SLC5A4: variants seen among roughly 807,000 people sequenced by gnomAD.
The protein encoded by SLC5A4 is probable glucose sensor protein SLC5A4.
Under a neutral mutation model 70.3 loss-of-function variants are expected in SLC5A4, and 55 were observed. The observed-to-expected ratio is 0.78, with a 90% CI of 0.63 to 0.98. SLC5A4 has a LOEUF of 0.98. Among genes scored for constraint, SLC5A4 ranks in the 50% least tolerant of loss-of-function variants. The probability of loss-of-function intolerance (pLI) is 0.00; values close to 1 mark genes in which losing one functional copy is unlikely to be tolerated. For synonymous variants in SLC5A4, 268 were observed against 305.7 expected, an observed-to-expected ratio of 0.88 and a Z score of 1.29; for missense variants, 735 against 839.2, an observed-to-expected ratio of 0.88 and a Z score of 1.53.
At chr22:32,269,906 C>A in the SLC5A4 span, 1 of 549,470 alleles carries the variant, frequency 1.8e-6, no homozygotes, top group Non-Finnish European at 3.6e-6. This position sits in a 1 kb window ranked among gnomAD's most constrained non-coding sequence, Gnocchi z 4.1. Context: ...GACAAGGCGG[C>A]CACCAGCGTC....
chr22:32,256,507 CA>C (rs1927496314), upstream of SLC5A4, among the ~76,000 whole-genome samples: 1 of 152,088 alleles, frequency 6.6e-6, no homozygotes, highest in Non-Finnish European at 1.5e-5. Flanking sequence ...CAGCCATTAC[CA>C]CTATCCATTT....
chr22:32,353,708 C>T, the SLC5A4 span, among the ~76,000 whole-genome samples: 1 of 151,920 alleles, frequency 6.6e-6, no homozygotes, highest in Non-Finnish European at 1.5e-5. Context: ...GCCCTTGCTT[C>T]GGACACTGCA....
chr22:32,253,134 A>G (rs1445485795), intron 2 of SLC5A4, among the ~76,000 whole-genome samples: 1 of 152,218 alleles, frequency 6.6e-6, no homozygotes, highest in Non-Finnish European at 1.5e-5. Flanking sequence ...CAGCCAGGAC[A>G]GTTGCCCATC....
At position 32,247,071 on chromosome 22, in the gene SLC5A4, C is replaced by T. The variant is rs192903481; in HGVS notation, c.477+340G>A. 1.7e-3 allele frequency among the ~76,000 whole-genome samples: 265 copies of T among 152,274 alleles called. 2 individuals are homozygous for T. The highest frequency in any genetic ancestry group is 6.2e-3 in the South Asian group (30 of 4,824). On this transcript the variant is annotated intron_variant, in intron 5 of 14. Coordinates refer to ENST00000266086, the MANE Select transcript of SLC5A4 (RefSeq NM_014227.3). Reference sequence around the variant, plus strand: ...GTTATCTTGCAATGGAAAAGGCAGGCGACCAAGTCCTTCTCTTTACTACTA... The same window carrying T: ...GTTATCTTGCAATGGAAAAGGCAGGTGACCAAGTCCTTCTCTTTACTACTA...
the SLC5A4 span, among the ~76,000 whole-genome samples, chr22:32,333,106 G>A: frequency 6.6e-6 from 1 of 152,110 alleles, no homozygotes; most frequent in Non-Finnish European, 1.5e-5. Flanking sequence ...GAGGGACGTG[G>A]CCTGCCCGAG....
At chr22:32,316,291 A>C in the SLC5A4 span, among the ~76,000 whole-genome samples, 5 of 152,176 alleles carry the variant, frequency 3.3e-5, no homozygotes, top group Non-Finnish European at 5.9e-5. Flanking sequence ...GAAGCATAAC[A>C]AACAAATGCA....
the SLC5A4 span, among the ~76,000 whole-genome samples, chr22:32,283,237 G>A: frequency 2.0e-5 from 3 of 152,186 alleles, no homozygotes; most frequent in African/African-American, 7.2e-5. Flanking sequence ...ACCTGCCCCA[G>A]GGCCTTTGCA....
chr22:32,231,162 T>C (rs1925741084), intron 9 of SLC5A4, 87 bp from the exon 10 acceptor site: 3 of 801,160 alleles, frequency 3.7e-6, no homozygotes, highest in Admixed American at 2.0e-5. Context: ...TGAAAGATCA[T>C]AAGGAAGGAA....
the SLC5A4 span, among the ~76,000 whole-genome samples, chr22:32,349,491 A>G: frequency 6.6e-6 from 1 of 152,212 alleles, no homozygotes. Flanking sequence ...ACAATTTTCT[A>G]AAGTCAAAGA....
chr22:32,255,137 TAA>T, intron 1 of SLC5A4, 56 bp downstream of exon 1: 1 of 1,304,414 alleles, frequency 7.7e-7, no homozygotes, highest in Non-Finnish European at 1.1e-6. Flanking sequence ...CTTCCCCCCT[TAA>T]GATACCCCCT....
At chr22:32,348,257 C>T in the SLC5A4 span, among the ~76,000 whole-genome samples, 2 of 152,236 alleles carry the variant, frequency 1.3e-5, no homozygotes, top group Non-Finnish European at 2.9e-5. Context: ...GGAACTGAGT[C>T]TCCATTTCTG....
chr22:32,338,028 C>A, the SLC5A4 span, among the ~76,000 whole-genome samples: 4 of 151,746 alleles, frequency 2.6e-5, no homozygotes, highest in Non-Finnish European at 5.9e-5. Context: ...TGTGATGCAG[C>A]CCCATCTCAT....
chr22:32,319,278 G>A, the SLC5A4 span, among the ~76,000 whole-genome samples: 20 of 151,370 alleles, frequency 1.3e-4, no homozygotes, highest in African/African-American at 4.1e-4. Flanking sequence ...TCAGGCCCTC[G>A]ACCACACTGG....
the SLC5A4 span, among the ~76,000 whole-genome samples, chr22:32,309,919 C>G: frequency 6.6e-6 from 1 of 151,732 alleles, no homozygotes; most frequent in East Asian, 1.9e-4. Flanking sequence ...GTGATCTCTG[C>G]TGAGGCCTCT....
In SLC5A4 at chr22:32,223,835, AATG is replaced by A. The variant is rs1925225952; in HGVS notation, c.1665+429_1665+431del. Among the ~76,000 whole-genome samples the A allele has an allele frequency of 2.0e-5, 3 of 152,326 alleles. No individual in the cohort carries two copies. The South Asian group carries it at 6.2e-4, about 32-fold the overall frequency. ...AAATTGTTCTTTATTTCAGTGACTG[AATG>A]ATAATCTCTTAGGGTTCTTCTAGCT... On this transcript the variant is annotated intron_variant, in intron 13 of 14. Coordinates refer to ENST00000266086, the MANE Select transcript of SLC5A4 (RefSeq NM_014227.3).
the SLC5A4 span, among the ~76,000 whole-genome samples, chr22:32,322,341 G>A: frequency 6.6e-6 from 1 of 152,188 alleles, no homozygotes; most frequent in African/African-American, 2.4e-5. Flanking sequence ...TGTAATCCCA[G>A]CACTTTGGGA....
At chr22:32,241,799 GTGTGTA>G (rs1569376535) in intron 5 of SLC5A4, among the ~76,000 whole-genome samples, 213 of 142,820 alleles carry the variant, frequency 1.5e-3, no homozygotes, top group African/African-American at 5.7e-3. Context: ...GTGTGTGTGT[GTGTGTA>G]TATATATCTG....
At chr22:32,265,865 A>C in the SLC5A4 span, among the ~76,000 whole-genome samples, 1 of 152,098 alleles carries the variant, frequency 6.6e-6, no homozygotes, top group African/African-American at 2.4e-5. Context: ...AAAACAAAAC[A>C]AACAGAACAA....
chr22:32,321,071 A>G, the SLC5A4 span, among the ~76,000 whole-genome samples: 1 of 152,222 alleles, frequency 6.6e-6, no homozygotes, highest in Non-Finnish European at 1.5e-5. Context: ...GCGGATCACC[A>G]GGTCAGGAGT....
Sources: allele counts gnomAD v4.1 joint callset (sites outside exome capture counted in the v4.1 genomes callset), GRCh38; gene constraint gnomAD v4.1.1; non-coding constraint Gnocchi (gnomAD v3.1); transcripts MANE v1.5; gene names NCBI Gene and HGNC (gene_info 2026-07-23, HGNC 2026-07-21).